Variants in P2RX1 observed in about 807,000 individuals in gnomAD.
P2RX1 encodes the protein P2X purinoceptor 1.
In P2RX1, 42 loss-of-function variants were observed where a neutral mutation model predicts 50.3. The observed-to-expected ratio is 0.83, with a 90% CI of 0.65 to 1.08. The LOEUF is 1.08. Ranked by LOEUF, P2RX1 falls within the 50% of genes least tolerant of loss-of-function variation. P2RX1 has a pLI of 0.00. For synonymous variants in P2RX1, 199 were observed against 202.6 expected (o/e 0.98, Z 0.15); for missense variants, 449 against 529.0 (o/e 0.85, Z 1.48).
rs182381829 is a variant in P2RX1 at position 3,897,121 on chromosome 17, C to T, written c.*693G>A. 2.8e-4 allele frequency: 43 copies of T among 153,464 alleles called. No homozygotes were observed. Among genetic ancestry groups the T allele is most frequent in the African/African-American group, 1.0e-3 (43 of 41,544 alleles). The allele number at this position is 153,464 out of a possible 1,614,324, so 9.5% of individuals were successfully genotyped here. A position where few individuals can be genotyped will look rare whatever the true frequency, so the allele number is the denominator to read the frequency against. The stretch of plus-strand genomic sequence containing the variant: ...AGGACGGCACTTCTTAAACTTAGGT[C>T]CCAGAATGGCCTGGGGAGTTTGCCA... On this transcript the variant is annotated 3_prime_UTR_variant, in exon 12 of 12. Transcript: ENST00000225538.
Position 3,900,323 on chromosome 17 carries a change from G to A in P2RX1, c.748-562C>T, listed in dbSNP as rs540983955. ...ACAAAAATTAGCTGGGCATGGTGGC[G>A]GGTGCCTGTAATCCCAGCTGCTTGG... is the stretch of plus-strand genomic sequence containing the variant. On this transcript the variant is annotated intron_variant, in intron 7 of 11. Coordinates refer to ENST00000225538, the MANE Select transcript of P2RX1 (RefSeq NM_002558.4). Among the ~76,000 whole-genome samples, 937 of 151,746 alleles carry A rather than the reference G, an allele frequency of 6.2e-3. 8 individuals are homozygous for A. The highest frequency in any genetic ancestry group is 0.021 in the African/African-American group (864 of 41,318).
chr17:3,896,622 C>T lies in P2RX1; in HGVS notation c.*1192G>A, dbSNP rs1420299364. The T allele has an allele frequency of 6.6e-6, 1 of 152,334 alleles. No individual in the cohort carries two copies. Among genetic ancestry groups the T allele is most frequent in the Non-Finnish European group, 1.5e-5 (1 of 68,124 alleles). 9.4% of individuals were successfully genotyped at this position (152,334 alleles called of 1,614,324 possible). On this transcript the variant is annotated 3_prime_UTR_variant, in exon 12 of 12. Transcript: ENST00000225538. The stretch of plus-strand genomic sequence containing the variant: ...CCTCATTCCCTTTATTGTACTCCAC[C>T]CGTCGCTTCCCCCAGACCTTCTGTT...
chr17:3,904,632 G>T, intron 3 of P2RX1: 1 of 627,518 alleles, frequency 1.6e-6, no homozygotes, highest in Non-Finnish European at 2.8e-6. Context: ...CGGTGGGGGT[G>T]GGCACGAAGT....
Position 3,903,727 on chromosome 17 carries a change from G to C in P2RX1, c.525-96C>G. The stretch of plus-strand genomic sequence containing the variant: ...ACAGCAGGGGGTGGGCCGAGCCTCC[G>C]GGACCCGCCTGCAGCCCTGGGCTGG... On this transcript the variant is annotated intron_variant, in intron 5 of 11. Transcript: ENST00000225538. The surrounding 1 kb of genome is among the most constrained non-coding windows in gnomAD (Gnocchi z 4.6). The C allele has an allele frequency of 2.2e-6, 3 of 1,356,390 alleles. No homozygotes were observed. Among genetic ancestry groups the C allele is most frequent in the Non-Finnish European group, 3.1e-6 (3 of 953,700 alleles). The allele number at this position is 1,356,390 out of a possible 1,614,324, so 84.0% of individuals were successfully genotyped here.
chr17:3,912,393 C>T (rs1002851989), intron 1 of P2RX1, among the ~76,000 whole-genome samples: 1 of 151,736 alleles, frequency 6.6e-6, no homozygotes, highest in Admixed American at 6.6e-5. Context: ...TGCAGTGGTG[C>T]GATCTCGGCT....
chr17:3,897,712 G>T lies in P2RX1; in HGVS notation c.*102C>A. ...AACTGCTCTCTGCCTGGCTGAGAGG[G>T]TAGGAGACTTCCTGGGGAGGCCCCT... is the stretch of plus-strand genomic sequence containing the variant. On this transcript the variant is annotated 3_prime_UTR_variant, in exon 12 of 12. Coordinates refer to ENST00000225538, the MANE Select transcript of P2RX1 (RefSeq NM_002558.4). 1 of 1,024,518 alleles carries T rather than the reference G, an allele frequency of 9.8e-7. No homozygotes were observed. Among genetic ancestry groups the T allele is most frequent in the Non-Finnish European group, 1.5e-6 (1 of 672,118 alleles). 63.5% of individuals were successfully genotyped at this position (1,024,518 alleles called of 1,614,324 possible).
At chr17:3,913,974 CCTGG>C (rs1302964052) in intron 1 of P2RX1, among the ~76,000 whole-genome samples, 2 of 152,170 alleles carry the variant, frequency 1.3e-5, no homozygotes, top group African/African-American at 2.4e-5. Context: ...GCTGTGGGTT[CCTGG>C]CTGAGAGGTC....
chr17:3,910,291 T>A (rs2056341248), intron 1 of P2RX1, among the ~76,000 whole-genome samples: 1 of 152,196 alleles, frequency 6.6e-6, no homozygotes. Flanking sequence ...ATCTATTTCG[T>A]GCCAAGCACT....
In P2RX1 at chr17:3,903,825, A is replaced by G. The variant is rs1223281513; in HGVS notation, c.524+103T>C. 1 of 1,158,124 alleles carries G rather than the reference A, an allele frequency of 8.6e-7. No homozygotes were observed. 71.7% of individuals were successfully genotyped at this position (1,158,124 alleles called of 1,614,324 possible). On this transcript the variant is annotated intron_variant, in intron 5 of 11. Transcript: ENST00000225538. The surrounding 1 kb of genome is among the most constrained non-coding windows in gnomAD (Gnocchi z 4.6). ...CAGCCTAGGTTGCGCGGATGGGGTG[A>G]GGGTGGGGTCAGAAAAAGGGGTAAA...
chr17:3,905,011 G>A (rs1038304656), intron 2 of P2RX1, 82 bp from the exon 3 acceptor site: 1 of 1,176,516 alleles, frequency 8.5e-7, no homozygotes, highest in Non-Finnish European at 1.2e-6. Flanking sequence ...TGCCCCAGCA[G>A]AGGCCCCTAG....
At chr17:3,907,073 T>A (rs1376310676) in intron 1 of P2RX1, among the ~76,000 whole-genome samples, 1 of 152,142 alleles carries the variant, frequency 6.6e-6, no homozygotes, top group African/African-American at 2.4e-5. Context: ...ATCCTGACAA[T>A]GTTGTTTGAG....
At position 3,914,882 on chromosome 17, in the gene P2RX1, G is replaced by A. The variant is rs2056422982; in HGVS notation, c.137+1207C>T. Among the ~76,000 whole-genome samples, 2 of 152,236 alleles carry A rather than the reference G, an allele frequency of 1.3e-5. No homozygotes were observed. The highest frequency in any genetic ancestry group is 6.5e-5 in the Admixed American group (1 of 15,286). ...AAATTAGTTTCTGAACAAGAGAGAG[G>A]AGAGGTCAAGGCTGGGGTCTGGCCC... On this transcript the variant is annotated intron_variant, in intron 1 of 11. Transcript: ENST00000225538. This position sits in a 1 kb window ranked among gnomAD's most constrained non-coding sequence, Gnocchi z 4.1.
Position 3,903,663 on chromosome 17 carries a change from C to G in P2RX1, c.525-32G>C, listed in dbSNP as rs376073338. 8.7e-6 allele frequency: 14 copies of G among 1,602,046 alleles called. No individual in the cohort carries two copies. The highest frequency in any genetic ancestry group is 1.2e-5 in the Non-Finnish European group (14 of 1,169,720). On this transcript the variant is annotated intron_variant, in intron 5 of 11. Transcript: ENST00000225538. The surrounding 1 kb of genome is among the most constrained non-coding windows in gnomAD (Gnocchi z 4.6). ...GACACCACACGCACTCACCGCCCCT[C>G]CCCAGGAGGCCCCCTGTGTGTCCCA...
intron 1 of P2RX1, among the ~76,000 whole-genome samples, chr17:3,909,863 C>T (rs113952261): frequency 0.019 from 2,908 of 152,124 alleles, 98 homozygotes; most frequent in African/African-American, 0.066. Flanking sequence ...AGTCAAAAGG[C>T]TCTTAATACC....
At chr17:3,910,827 A>G (rs1372495867) in intron 1 of P2RX1, among the ~76,000 whole-genome samples, 1 of 152,196 alleles carries the variant, frequency 6.6e-6, no homozygotes, top group Non-Finnish European at 1.5e-5. Flanking sequence ...TGAGTGCAGG[A>G]TCTTGGTTTG....
chr17:3,904,336 C>G lies in P2RX1; in HGVS notation c.421G>C (p.Ala141Pro). The change falls in exon 4 of 12, where the codon GCC (alanine) becomes CCC (proline). Residue 141 changes from alanine (A) to proline (P), a missense_variant. Coordinates refer to ENST00000225538, the MANE Select transcript of P2RX1 (RefSeq NM_002558.4). ...GCTPGKAKRK[A>P]QGIRTGKCVA... ...AGGAGGAGGCTGACCTTACCTTGGG[C>G]CTTCCTCTTGGCCTTCCCAGGGGTA... 2 of 1,613,854 alleles carry G rather than the reference C, an allele frequency of 1.2e-6. No homozygotes were observed. Among genetic ancestry groups the G allele is most frequent in the Non-Finnish European group, 1.7e-6 (2 of 1,179,814 alleles).
At position 3,903,062 on chromosome 17, in the gene P2RX1, G is replaced by T. The variant is rs932009298; in HGVS notation, c.747+140C>A. The T allele has an allele frequency of 8.5e-7, 1 of 1,177,272 alleles. No homozygotes were observed. The highest frequency in any genetic ancestry group is 1.2e-6 in the Non-Finnish European group (1 of 821,916). The allele number at this position is 1,177,272 out of a possible 1,614,324, so 72.9% of individuals were successfully genotyped here. ...GAAGACATGGATCTGACGCTCAGGG[G>T]GCCCCAGTATCAGGGGACAGACCCA... On this transcript the variant is annotated intron_variant, in intron 7 of 11. Coordinates refer to ENST00000225538, the MANE Select transcript of P2RX1 (RefSeq NM_002558.4). This position sits in a 1 kb window ranked among gnomAD's most constrained non-coding sequence, Gnocchi z 4.6.
At chr17:3,913,727 G>A (rs1424090412) in intron 1 of P2RX1, among the ~76,000 whole-genome samples, 1 of 152,188 alleles carries the variant, frequency 6.6e-6, no homozygotes, top group East Asian at 1.9e-4. Flanking sequence ...CCCAGGCTTT[G>A]CCCTGTGTCT....
rs751349796 is a variant in P2RX1 at position 3,909,970 on chromosome 17, C to CTTT, written c.138-4606_138-4604dup. Among the ~76,000 whole-genome samples, 512 of 107,364 alleles carry CTTT rather than the reference C, an allele frequency of 4.8e-3. 1 individual carries two copies. The highest frequency in any genetic ancestry group is 7.2e-3 in the East Asian group (24 of 3,340). The allele number at this position is 107,364 out of a possible 152,430, so 70.4% of individuals were successfully genotyped here. ...CAATGTGGTGATGTCCTGATAAATT[C>CTTT]TTTTTTTTTTTTTTTTTTTTTTGAG... On this transcript the variant is annotated intron_variant, in intron 1 of 11. Coordinates refer to ENST00000225538, the MANE Select transcript of P2RX1 (RefSeq NM_002558.4).
Sources: gnomAD v4.1 joint callset for allele counts (sites outside exome capture counted in the v4.1 genomes callset) on GRCh38, gnomAD v4.1.1 for gene constraint, Gnocchi (gnomAD v3.1) non-coding constraint, MANE v1.5 for transcripts, NCBI Gene and HGNC (gene_info 2026-07-23, HGNC 2026-07-21) for gene names.